The following SIM1 variants were observed in gnomAD, a reference collection of about 807,000 sequenced individuals.
SIM1 encodes SIM bHLH transcription factor 1, also known as single-minded homolog 1.
SIM1 carries 18 observed loss-of-function variants against 78.2 expected under a neutral mutation model. That is an observed-to-expected ratio of 0.23 (90% CI 0.16 to 0.34). SIM1 has a LOEUF of 0.34. SIM1 is among the 10% of genes least tolerant of loss of function. The pLI is 1.00. For missense variants in SIM1, 939 were observed against 975.1 expected (o/e 0.96, Z 0.49); for synonymous variants, 417 against 385.2 (o/e 1.08, Z -0.97).
chr6:100,454,742 A>G (rs914254450), intron 2 of SIM1, among the ~76,000 whole-genome samples: 1 of 152,194 alleles, frequency 6.6e-6, no homozygotes, highest in African/African-American at 2.4e-5. Flanking sequence ...GATGCCCAAA[A>G]AAATAAAACG....
chr6:100,406,138 A>G (rs1369196054), intron 10 of SIM1, among the ~76,000 whole-genome samples: 1 of 152,216 alleles, frequency 6.6e-6, no homozygotes, highest in Non-Finnish European at 1.5e-5. Context: ...ATGTAGAAAT[A>G]GTTCTAGCCC....
chr6:100,395,511 G>C (rs933946183), intron 10 of SIM1, among the ~76,000 whole-genome samples: 6 of 152,206 alleles, frequency 3.9e-5, no homozygotes, highest in Admixed American at 3.3e-4. Context: ...ATATTAGGGA[G>C]ATTTGCAGTG....
chr6:100,400,254 T>A (rs1407904567), intron 10 of SIM1, among the ~76,000 whole-genome samples: 1 of 151,262 alleles, frequency 6.6e-6, no homozygotes, highest in African/African-American at 2.4e-5. Context: ...AGAAAACCAA[T>A]CAGTTAAATT....
At chr6:100,433,669 C>T (rs910394419) in intron 9 of SIM1, among the ~76,000 whole-genome samples, 3 of 151,586 alleles carry the variant, frequency 2.0e-5, no homozygotes, top group African/African-American at 4.9e-5. Context: ...CCTGGGAGGT[C>T]GAGGTGCGGT....
chr6:100,452,793 C>T (rs372759143), intron 3 of SIM1, among the ~76,000 whole-genome samples: 2 of 152,118 alleles, frequency 1.3e-5, no homozygotes, highest in Admixed American at 6.5e-5. Flanking sequence ...GTGAAGGCCA[C>T]GTCAGTGAGA....
At chr6:100,432,361 C>T (rs979565990) in intron 9 of SIM1, among the ~76,000 whole-genome samples, 1 of 152,118 alleles carries the variant, frequency 6.6e-6, no homozygotes, top group African/African-American at 2.4e-5. Context: ...TCTTAACAAG[C>T]TACTGGGTGG....
chr6:100,413,092 A>G (rs965855388), intron 10 of SIM1, among the ~76,000 whole-genome samples: 1 of 152,210 alleles, frequency 6.6e-6, no homozygotes, highest in East Asian at 1.9e-4. Context: ...ACCACCACAG[A>G]TACCACACTG....
chr6:100,447,192 G>A, intron 9 of SIM1, 76 bp downstream of exon 9: 5 of 1,532,754 alleles, frequency 3.3e-6, no homozygotes, highest in Non-Finnish European at 4.4e-6. Context: ...GTCTAACCCG[G>A]CCGTGCCGCC....
At position 100,412,634 on chromosome 6, in the gene SIM1, A is replaced by G. The variant is rs1347646766; in HGVS notation, c.1167+8156T>C. 1.5e-3 allele frequency among the ~76,000 whole-genome samples: 169 copies of G among 110,844 alleles called. 8 individuals are homozygous for G. The highest frequency in any genetic ancestry group is 5.4e-3 in the African/African-American group (159 of 29,270). The allele number at this position is 110,844 out of a possible 152,430, so 72.7% of individuals were successfully genotyped here. A position where few individuals can be genotyped will look rare whatever the true frequency, so the allele number is the denominator to read the frequency against. On this transcript the variant is annotated intron_variant, in intron 10 of 11. Coordinates refer to ENST00000369208, the MANE Select transcript of SIM1 (RefSeq NM_005068.3). ...AAGGAAAGAAAGAAGGAAAGAAAGA[A>G]AGAAAAGAAAGAAAGAAAGAAAGAG...
intron 9 of SIM1, among the ~76,000 whole-genome samples, chr6:100,423,229 G>T (rs918033388): frequency 6.6e-6 from 1 of 152,116 alleles, no homozygotes; most frequent in African/African-American, 2.4e-5. Flanking sequence ...TCTACCCCTT[G>T]CTTCATCCAA....
intron 9 of SIM1, among the ~76,000 whole-genome samples, chr6:100,421,790 T>C (rs1371064546): frequency 1.3e-5 from 2 of 152,164 alleles, no homozygotes; most frequent in Non-Finnish European, 2.9e-5. Flanking sequence ...GCGAGTCTCA[T>C]CGGACTCCTC....
chr6:100,412,620 G>GA lies in SIM1; in HGVS notation c.1167+8169dup, dbSNP rs745685934. ...GAAAGAAAGAAAGAAAGGAAAGAAA[G>GA]AAGGAAAGAAAGAAAGAAAAGAAAG... On this transcript the variant is annotated intron_variant, in intron 10 of 11. Coordinates refer to ENST00000369208, the MANE Select transcript of SIM1 (RefSeq NM_005068.3). 3.2e-3 allele frequency among the ~76,000 whole-genome samples: 278 copies of GA among 86,694 alleles called. 17 individuals carry two copies. The highest frequency in any genetic ancestry group is 8.1e-3 in the African/African-American group (205 of 25,328). The allele number at this position is 86,694 out of a possible 152,430, so 56.9% of individuals were successfully genotyped here. A position where few individuals can be genotyped will look rare whatever the true frequency, so the allele number is the denominator to read the frequency against.
chr6:100,404,793 C>T lies in SIM1; in HGVS notation c.1168-10904G>A, dbSNP rs144952824. 3.8e-3 allele frequency among the ~76,000 whole-genome samples: 578 copies of T among 152,176 alleles called. 4 individuals are homozygous for T. The highest frequency in any genetic ancestry group is 0.014 in the African/African-American group (562 of 41,502). On this transcript the variant is annotated intron_variant, in intron 10 of 11. Coordinates refer to ENST00000369208, the MANE Select transcript of SIM1 (RefSeq NM_005068.3). Reference sequence around the variant, plus strand: ...GATAAACACAGGAGTAAGAGAAAAACTAATGTCAGAATCAAATGTATTTTT... The same window carrying T: ...GATAAACACAGGAGTAAGAGAAAAATTAATGTCAGAATCAAATGTATTTTT...
chr6:100,431,157 T>G (rs1475270860), intron 9 of SIM1, among the ~76,000 whole-genome samples: 1 of 152,218 alleles, frequency 6.6e-6, no homozygotes, highest in East Asian at 1.9e-4. Flanking sequence ...AATGATGGCA[T>G]GATGCAATGT....
intron 2 of SIM1, among the ~76,000 whole-genome samples, chr6:100,459,296 T>A (rs1263597505): frequency 6.6e-6 from 1 of 152,238 alleles, no homozygotes; most frequent in African/African-American, 2.4e-5. Context: ...GATCTACAAT[T>A]TCTAGCATAT....
rs374696271 is a variant in SIM1, at chr6:100,448,558, C to T, written c.664G>A (p.Val222Ile). 2 of 1,614,142 alleles carry T rather than the reference C, an allele frequency of 1.2e-6. No homozygotes were observed. Among genetic ancestry groups the T allele is most frequent in the East Asian group, 2.2e-5 (1 of 44,864 alleles). ...AVGHSLPPSA[V>I]TEIKLHSNMF... ...TTGCTGTGTAGCTTGATCTCCGTGA[C>T]GGCGCTGGGAGGCAGCGAGTGGCCC... The change falls in exon 7 of 12, where the codon GTC (valine) becomes ATC (isoleucine). Residue 222 changes from valine to isoleucine, a missense_variant. Physicochemically the swap from Val to Ile is conservative, Grantham distance 29. Transcript: ENST00000369208.
chr6:100,403,130 T>C (rs1770969034), intron 10 of SIM1, among the ~76,000 whole-genome samples: 1 of 152,238 alleles, frequency 6.6e-6, no homozygotes, highest in South Asian at 2.1e-4. Flanking sequence ...CTCAATTTCA[T>C]ATTTAAGTTT....
Position 100,390,666 on chromosome 6 carries a change from T to C in SIM1, c.1996A>G (p.Ile666Val), listed in dbSNP as rs370511773. 3.7e-6 allele frequency: 6 copies of C among 1,614,042 alleles called. No individual in the cohort carries two copies. Among genetic ancestry groups the C allele is most frequent in the African/African-American group, 1.3e-5 (1 of 74,916 alleles). ...SRISSPNSDR[I>V]SKSSLILAKD... ...GCTAGGATCAAACTGGATTTTGAAA[T>C]GCGATCCGAATTGGGACTACTTATC... Residue 666 changes from isoleucine (I) to valine (V), a missense_variant, in exon 12 of 12, where the codon ATT becomes GTT. Around this residue, in one of 5 missense-constraint regions of SIM1, gnomAD observed 556 missense variants for 521.9 expected, o/e 1.07. Transcript: ENST00000369208.
At chr6:100,450,048 C>CA (rs1193450368) in intron 4 of SIM1, among the ~76,000 whole-genome samples, 2 of 152,000 alleles carry the variant, frequency 1.3e-5, no homozygotes, top group Non-Finnish European at 2.9e-5. Flanking sequence ...CGTAGGGACT[C>CA]AAAAAAGTAG....
Sources: gnomAD v4.1 joint callset for allele counts (sites outside exome capture counted in the v4.1 genomes callset) on GRCh38, gnomAD v4.1.1 for gene constraint, gnomAD v4.1.1 regional missense constraint, MANE v1.5 for transcripts, NCBI Gene and HGNC (gene_info 2026-07-23, HGNC 2026-07-21) for gene names.